ZSCAN23: variants seen among roughly 807,000 people sequenced by gnomAD.
The protein encoded by ZSCAN23 is zinc finger and SCAN domain containing 23.
A neutral mutation model predicts 19.3 loss-of-function variants in ZSCAN23; 19 were observed. That is an observed-to-expected ratio of 0.99 (90% CI 0.69 to 1.45). The LOEUF is 1.45. ZSCAN23 is among the 40% of genes most tolerant of loss of function. The pLI is 0.00. For missense variants in ZSCAN23, 372 were observed against 462.5 expected, an observed-to-expected ratio of 0.80 and a Z score of 1.79; for synonymous variants, 140 against 166.2, an observed-to-expected ratio of 0.84 and a Z score of 1.21.
At chr6:28,437,826 AAAT>A (rs1476473728) in intron 1 of ZSCAN23, among the ~76,000 whole-genome samples, 1 of 152,114 alleles carries the variant, frequency 6.6e-6, no homozygotes, top group Non-Finnish European at 1.5e-5. Flanking sequence ...CAAATACCTA[AAAT>A]AATAATTTCA....
At chr6:28,430,239 C>T (rs1761735911), downstream of ZSCAN23, among the ~76,000 whole-genome samples, 1 of 152,084 alleles carries the variant, frequency 6.6e-6, no homozygotes, top group Non-Finnish European at 1.5e-5. Context: ...CTCAATTCGG[C>T]CCCAACGAGC....
downstream of ZSCAN23, among the ~76,000 whole-genome samples, chr6:28,429,287 TG>T (rs1441266236): frequency 6.6e-6 from 1 of 152,246 alleles, no homozygotes; most frequent in African/African-American, 2.4e-5. Context: ...ACATAAAGCC[TG>T]GCCCATTATG....
the ZSCAN23 span, among the ~76,000 whole-genome samples, chr6:28,421,611 T>G: frequency 6.6e-6 from 1 of 152,148 alleles, no homozygotes; most frequent in African/African-American, 2.4e-5. Flanking sequence ...TCAAAAAAAC[T>G]TAAAACTTGA....
the ZSCAN23 span, among the ~76,000 whole-genome samples, chr6:28,426,872 G>A: frequency 1.4e-4 from 22 of 152,278 alleles, no homozygotes; most frequent in African/African-American, 4.1e-4. Context: ...ATGCAATGGC[G>A]CGATCTCGGC....
At chr6:28,437,426 T>C (rs1415940701) in intron 1 of ZSCAN23, among the ~76,000 whole-genome samples, 1 of 152,010 alleles carries the variant, frequency 6.6e-6, no homozygotes, top group Non-Finnish European at 1.5e-5. Context: ...TGCTAAAAAA[T>C]ACAAAAATTA....
chr6:28,423,821 C>G, the ZSCAN23 span, among the ~76,000 whole-genome samples: 1 of 151,760 alleles, frequency 6.6e-6, no homozygotes, highest in Non-Finnish European at 1.5e-5. Context: ...CAAACTGGAA[C>G]ATATTTACTG....
the ZSCAN23 span, among the ~76,000 whole-genome samples, chr6:28,425,701 T>C: frequency 9.2e-5 from 14 of 152,324 alleles, no homozygotes; most frequent in Non-Finnish European, 1.9e-4. Context: ...CATTAGCTCC[T>C]ATCAAGAAAG....
chr6:28,425,322 TTTTG>T, the ZSCAN23 span, among the ~76,000 whole-genome samples: 7 of 152,098 alleles, frequency 4.6e-5, no homozygotes, highest in South Asian at 6.2e-4. Flanking sequence ...GCATGATTCT[TTTTG>T]TTTGTTTGTG....
intron 1 of ZSCAN23, among the ~76,000 whole-genome samples, chr6:28,436,969 A>G (rs1761903386): frequency 6.6e-6 from 1 of 152,210 alleles, no homozygotes; most frequent in Admixed American, 6.5e-5. Context: ...TTCAATCTAT[A>G]AAACAGGAAT....
chr6:28,431,076 A>C (rs1312833549), downstream of ZSCAN23, among the ~76,000 whole-genome samples: 1 of 151,572 alleles, frequency 6.6e-6, no homozygotes, highest in Non-Finnish European at 1.5e-5. Context: ...TTATGTTAAC[A>C]ATGGGTTTGT....
chr6:28,439,411 T>C (rs1761958982), intron 1 of ZSCAN23, among the ~76,000 whole-genome samples: 1 of 152,118 alleles, frequency 6.6e-6, no homozygotes, highest in Non-Finnish European at 1.5e-5. Flanking sequence ...TTGGTGCGAC[T>C]CACCACCACT....
At position 28,433,403 on chromosome 6, in the gene ZSCAN23, T is replaced by C. The variant is rs1761800537; in HGVS notation, c.*1062A>G. The stretch of plus-strand genomic sequence containing the variant: ...AGCAGAAGTGATCTCTAAGGTCCCT[T>C]AGAGTGATTCTGTTATTCTAAAGTT... On this transcript the variant is annotated 3_prime_UTR_variant, in exon 4 of 4. Transcript: ENST00000289788. 1 of 152,256 alleles carries C rather than the reference T, an allele frequency of 6.6e-6. No homozygotes were observed. Among genetic ancestry groups the C allele is most frequent in the South Asian group, 2.1e-4 (1 of 4,824 alleles). 9.4% of individuals were successfully genotyped at this position (152,256 alleles called of 1,614,324 possible). A position where few individuals can be genotyped will look rare whatever the true frequency, so the allele number is the denominator to read the frequency against.
chr6:28,429,611 G>A (rs935898044), downstream of ZSCAN23, among the ~76,000 whole-genome samples: 9 of 152,138 alleles, frequency 5.9e-5, no homozygotes, highest in African/African-American at 2.2e-4. Flanking sequence ...GTAAGTCTGT[G>A]CCCTCATCTC....
chr6:28,435,336 G>T, intron 3 of ZSCAN23, 124 bp downstream of exon 3: 1 of 1,328,278 alleles, frequency 7.5e-7, no homozygotes, highest in Non-Finnish European at 1.0e-6. Flanking sequence ...CATCTGCCTT[G>T]TTTATCACTG....
downstream of ZSCAN23, among the ~76,000 whole-genome samples, chr6:28,427,507 C>T (rs1485578715): frequency 6.6e-6 from 1 of 152,170 alleles, no homozygotes; most frequent in Non-Finnish European, 1.5e-5. Context: ...ACCTAATGCT[C>T]CTAGGCTACA....
Position 28,435,607 on chromosome 6 carries a change from C to A in ZSCAN23, c.409G>T (p.Val137Phe). The change falls in exon 3 of 4, where the codon GTC (valine) becomes TTC (phenylalanine). Residue 137 changes from valine (V) to phenylalanine (F), a missense_variant and splice_region_variant. Coordinates refer to ENST00000289788, the MANE Select transcript of ZSCAN23 (RefSeq NM_001012455.2). ...ERELDDPGEQ[V>F]LSHAHEQEEF... ...TCCTGTTCATGAGCATGGCTCAGGA[C>A]CTGGTGGAAATCAAGGACAGTTGGG... 6.5e-7 allele frequency: 1 copy of A among 1,550,190 alleles called. No homozygotes were observed.
chr6:28,426,264 C>T, the ZSCAN23 span, among the ~76,000 whole-genome samples: 1 of 152,212 alleles, frequency 6.6e-6, no homozygotes, highest in Non-Finnish European at 1.5e-5. Flanking sequence ...AACATGTCTT[C>T]CTCACTAAGC....
intron 2 of ZSCAN23, 114 bp downstream of exon 2, chr6:28,435,745 C>A (rs1761870190): frequency 4.2e-6 from 6 of 1,423,882 alleles, no homozygotes; most frequent in Non-Finnish European, 5.6e-6. Context: ...TAAAAGCCTA[C>A]AGAAGATCAA....
At chr6:28,425,544 G>A in the ZSCAN23 span, among the ~76,000 whole-genome samples, 1 of 152,128 alleles carries the variant, frequency 6.6e-6, no homozygotes, top group Admixed American at 6.6e-5. Context: ...GCCCAGGCTA[G>A]TCTCAAACTC....
Sources: allele counts gnomAD v4.1 joint callset (sites outside exome capture counted in the v4.1 genomes callset), GRCh38; gene constraint gnomAD v4.1.1; transcripts MANE v1.5; gene names NCBI Gene and HGNC (gene_info 2026-07-23, HGNC 2026-07-21).